Variants in ADORA2A observed in about 807,000 individuals in gnomAD.
ADORA2A encodes adenosine A2a receptor.
ADORA2A carries 11 observed loss-of-function variants against 18.4 expected under a neutral mutation model. The ratio of observed to expected loss-of-function variants is 0.60; its 90% CI spans 0.38 to 0.99. The LOEUF (loss-of-function observed/expected upper bound fraction) is 0.99, where lower values mean the gene tolerates loss of function less well. Among genes scored for constraint, ADORA2A ranks in the 50% least tolerant of loss-of-function variants. ADORA2A has a pLI of 0.01. For synonymous variants in ADORA2A, 218 were observed against 237.3 expected (o/e 0.92, Z 0.75); for missense variants, 449 against 556.1 (o/e 0.81, Z 1.94).
intron 1 of ADORA2A, chr22:24,431,719 C>CT: frequency 2.8e-6 from 1 of 352,116 alleles, no homozygotes; most frequent in Non-Finnish European, 5.6e-6. Flanking sequence ...CCTCTTAGCT[C>CT]TCAAAGAGGG....
upstream of ADORA2A, among the ~76,000 whole-genome samples, chr22:24,424,116 C>T (rs1277723697): frequency 6.6e-6 from 1 of 151,806 alleles, no homozygotes; most frequent in East Asian, 1.9e-4. This position sits in a 1 kb window ranked among gnomAD's most constrained non-coding sequence, Gnocchi z 4.9. Context: ...CTCAGGGTTC[C>T]TTTCCCGCCG....
intron 2 of ADORA2A, 47 bp downstream of exon 2, chr22:24,433,783 G>A: frequency 6.4e-7 from 1 of 1,560,970 alleles, no homozygotes; most frequent in Non-Finnish European, 8.7e-7. Flanking sequence ...TTGGTGCCCA[G>A]GCTTTGGTCT....
chr22:24,437,696 A>G (rs565114779), intron 2 of ADORA2A, among the ~76,000 whole-genome samples: 22 of 152,358 alleles, frequency 1.4e-4, no homozygotes, highest in African/African-American at 4.6e-4. Context: ...TATTCTTTGC[A>G]TATATAAGCA....
intron 1 of ADORA2A, chr22:24,431,752 A>C: frequency 2.9e-6 from 1 of 346,382 alleles, no homozygotes; most frequent in Non-Finnish European, 5.7e-6. Flanking sequence ...GCAGAGGTCC[A>C]TTTGGATCCA....
At chr22:24,430,980 C>T in intron 1 of ADORA2A, 2 of 376,600 alleles carry the variant, frequency 5.3e-6, no homozygotes, top group Admixed American at 3.0e-5. Context: ...CAGCCCGGGG[C>T]CAGCACCAGC....
upstream of ADORA2A, among the ~76,000 whole-genome samples, chr22:24,426,926 A>G (rs1310872632): frequency 6.6e-6 from 1 of 152,166 alleles, no homozygotes; most frequent in African/African-American, 2.4e-5. Flanking sequence ...CCCCCCGCCA[A>G]CACCCCGCAG....
chr22:24,440,892 G>A lies in ADORA2A; in HGVS notation c.642G>A (p.Gln214=). Residue 214 remains glutamine (Q), a synonymous_variant, in exon 3 of 3, where the codon CAG becomes CAA. Transcript: ENST00000337539. ...ARRQLKQMES[Q]PLPGERARST... is the part of the protein sequence containing the mutation. ...GACAGCTGAAGCAGATGGAGAGCCA[G>A]CCTCTGCCGGGGGAGCGGGCACGGT... 13 of 1,614,206 alleles carry A rather than the reference G, an allele frequency of 8.1e-6. No homozygotes were observed. Among genetic ancestry groups the A allele is most frequent in the Non-Finnish European group, 1.0e-5 (12 of 1,180,042 alleles).
chr22:24,439,525 G>C (rs535976618), intron 2 of ADORA2A: 1 of 152,320 alleles, frequency 6.6e-6, no homozygotes, highest in East Asian at 1.9e-4. Flanking sequence ...TAGGGTTTCT[G>C]CCAGGTAGAG....
rs748198311 is a variant in ADORA2A, at chr22:24,440,596, G to A, written c.346G>A (p.Val116Met). The change falls in exon 3 of 3, where the codon GTG (valine) becomes ATG (methionine). Residue 116 changes from valine (V) to methionine (M), a missense_variant. By Grantham distance (21) the Val-to-Met change is conservative (BLOSUM62 1). Transcript: ENST00000337539. ...TCTTCTCCCCAGGTACAATGGCTTG[G>A]TGACCGGCACGAGGGCTAAGGGCAT... ...IRIPLRYNGL[V>M]TGTRAKGIIA... 1 of 1,561,580 alleles carries A rather than the reference G, an allele frequency of 6.4e-7. No homozygotes were observed. Among genetic ancestry groups the A allele is most frequent in the South Asian group, 1.2e-5 (1 of 82,368 alleles).
In ADORA2A at chr22:24,433,354, G is replaced by A. The variant is rs2043090281; in HGVS notation, c.-51G>A. 7 of 1,520,524 alleles carry A rather than the reference G, an allele frequency of 4.6e-6. No individual in the cohort carries two copies. The highest frequency in any genetic ancestry group is 1.4e-5 in the African/African-American group (1 of 72,758). The allele number at this position is 1,520,524 out of a possible 1,614,324, so 94.2% of individuals were successfully genotyped here. The stretch of plus-strand genomic sequence containing the variant: ...GGCGGCTGGGCTGCAGCAATGGACC[G>A]TGAGCTGGCCCAGCCCGCGTCCGTG... On this transcript the variant is annotated 5_prime_UTR_variant, in exon 2 of 3. It adds an upstream start codon to the 5' untranslated region. Transcript: ENST00000337539.
Position 24,433,370 on chromosome 22 carries a change from C to T in ADORA2A, c.-35C>T, listed in dbSNP as rs112928200. The stretch of plus-strand genomic sequence containing the variant: ...CAATGGACCGTGAGCTGGCCCAGCC[C>T]GCGTCCGTGCTGAGCCTGCCTGTCG... On this transcript the variant is annotated 5_prime_UTR_variant, in exon 2 of 3. Transcript: ENST00000337539. 53 of 1,559,080 alleles carry T rather than the reference C, an allele frequency of 3.4e-5. 1 individual carries two copies. The African/African-American group carries it at 4.4e-4, about 13-fold the overall frequency.
chr22:24,427,250 C>T (rs893078393), upstream of ADORA2A, among the ~76,000 whole-genome samples: 6 of 152,180 alleles, frequency 3.9e-5, no homozygotes, highest in Admixed American at 3.9e-4. Flanking sequence ...GAAGCAGTGG[C>T]CAGGCTCTGC....
chr22:24,425,343 C>CCG (rs2042906560), upstream of ADORA2A, among the ~76,000 whole-genome samples: 1 of 127,598 alleles, frequency 7.8e-6, no homozygotes, highest in Non-Finnish European at 1.7e-5. Context: ...CAGCACCCCC[C>CCG]CCCCCCCCGC....
intron 2 of ADORA2A, among the ~76,000 whole-genome samples, chr22:24,435,193 C>T (rs1031428985): frequency 3.3e-5 from 5 of 152,214 alleles, no homozygotes; most frequent in African/African-American, 4.8e-5. Context: ...TAGGGATTGT[C>T]GGACTCCAAG....
At chr22:24,436,240 A>G (rs1290366949) in intron 2 of ADORA2A, among the ~76,000 whole-genome samples, 1 of 151,398 alleles carries the variant, frequency 6.6e-6, no homozygotes, top group Non-Finnish European at 1.5e-5. Flanking sequence ...ACTTGGTGAC[A>G]CTCCTGGCCG....
intron 2 of ADORA2A, among the ~76,000 whole-genome samples, chr22:24,439,794 G>C (rs2043287883): frequency 6.6e-6 from 1 of 152,082 alleles, no homozygotes; most frequent in Non-Finnish European, 1.5e-5. Flanking sequence ...AGTGATTTCG[G>C]GCAGATTACT....
At chr22:24,425,949 G>A (rs759378215), upstream of ADORA2A, among the ~76,000 whole-genome samples, 3 of 152,236 alleles carry the variant, frequency 2.0e-5, no homozygotes, top group Non-Finnish European at 4.4e-5. Context: ...AGACCAGAGG[G>A]CCGGTGAGGG....
chr22:24,424,516 C>G (rs941596221), upstream of ADORA2A: 1 of 152,262 alleles, frequency 6.6e-6, no homozygotes, highest in Non-Finnish European at 1.5e-5. This position sits in a 1 kb window ranked among gnomAD's most constrained non-coding sequence, Gnocchi z 4.9. Context: ...AGGGAGATTC[C>G]CCAGGTGGAG....
At chr22:24,439,782 T>C (rs116318278) in intron 2 of ADORA2A, among the ~76,000 whole-genome samples, 167 of 152,260 alleles carry the variant, frequency 1.1e-3, no homozygotes, top group African/African-American at 3.9e-3. Context: ...TCAGGAAGAC[T>C]GAGTGATTTC....
Sources: allele counts gnomAD v4.1 joint callset (sites outside exome capture counted in the v4.1 genomes callset), GRCh38; gene constraint gnomAD v4.1.1; non-coding constraint Gnocchi (gnomAD v3.1); transcripts MANE v1.5; gene names NCBI Gene and HGNC (gene_info 2026-07-23, HGNC 2026-07-21).